COBL: variants seen among roughly 807,000 people sequenced by gnomAD.
COBL encodes the protein cordon-bleu WH2 repeat protein.
Under a neutral mutation model 98.8 loss-of-function variants are expected in COBL, and 51 were observed. That is an observed-to-expected ratio of 0.52 (90% confidence interval 0.41 to 0.65). The LOEUF (loss-of-function observed/expected upper bound fraction) is 0.65, where lower values mean the gene tolerates loss of function less well. Ranked by LOEUF, COBL falls within the 30% of genes least tolerant of loss-of-function variation. The pLI is 0.00. For missense variants in COBL, 1,617 were observed against 1,617.5 expected, an observed-to-expected ratio of 1.00 and a Z score of 0.01; for synonymous variants, 634 against 651.7, an observed-to-expected ratio of 0.97 and a Z score of 0.41.
chr7:51,302,582 A>G (rs979861108), intron 1 of COBL, among the ~76,000 whole-genome samples: 1 of 101,650 alleles, frequency 9.8e-6, no homozygotes, highest in African/African-American at 4.4e-5. Context: ...ACTCCGTCTC[A>G]AAAAAAAAAA....
intron 2 of COBL, among the ~76,000 whole-genome samples, chr7:51,206,983 T>C (rs1172055662): frequency 6.6e-6 from 1 of 152,198 alleles, no homozygotes; most frequent in East Asian, 1.9e-4. Flanking sequence ...CACTGTATAC[T>C]TGAAATGTGC....
At chr7:51,084,926 G>C (rs1347457403) in intron 7 of COBL, among the ~76,000 whole-genome samples, 1 of 152,048 alleles carries the variant, frequency 6.6e-6, no homozygotes, top group Non-Finnish European at 1.5e-5. Context: ...TCCTGCAGCC[G>C]TTTCTCCCCT....
intron 1 of COBL, among the ~76,000 whole-genome samples, chr7:51,293,697 A>G (rs751235397): frequency 2.0e-5 from 3 of 152,184 alleles, no homozygotes; most frequent in Non-Finnish European, 4.4e-5. Flanking sequence ...TCCCTCAGTA[A>G]AGTAGCTCCA....
At chr7:51,135,922 C>A (rs140869463) in intron 6 of COBL, among the ~76,000 whole-genome samples, 2 of 152,286 alleles carry the variant, frequency 1.3e-5, no homozygotes, top group East Asian at 1.9e-4. Flanking sequence ...GGGAGCAGGA[C>A]TGGGCTGCTG....
intron 1 of COBL, among the ~76,000 whole-genome samples, chr7:51,220,911 G>T (rs1395442844): frequency 6.6e-6 from 1 of 152,066 alleles, no homozygotes; most frequent in Non-Finnish European, 1.5e-5. Flanking sequence ...TTTATACATA[G>T]AATACATATA....
intron 5 of COBL, among the ~76,000 whole-genome samples, chr7:51,154,930 T>C (rs78795612): frequency 0.048 from 7,269 of 152,330 alleles, 262 homozygotes; most frequent in Middle Eastern, 0.11. Context: ...GCTATACTTC[T>C]GACCAAAGCA....
At chr7:51,055,800 A>G (rs1790692197) in intron 7 of COBL, among the ~76,000 whole-genome samples, 1 of 152,166 alleles carries the variant, frequency 6.6e-6, no homozygotes, top group African/African-American at 2.4e-5. Flanking sequence ...TTGTATCCCC[A>G]TGTAGCTTTC....
chr7:51,296,712 G>A (rs183513412), intron 1 of COBL, among the ~76,000 whole-genome samples: 1 of 152,276 alleles, frequency 6.6e-6, no homozygotes, highest in East Asian at 1.9e-4. Flanking sequence ...ATTACTCACA[G>A]GGAGGTGCTA....
chr7:51,021,496 C>T (rs916420439), intron 12 of COBL, among the ~76,000 whole-genome samples: 1 of 152,042 alleles, frequency 6.6e-6, no homozygotes, highest in Non-Finnish European at 1.5e-5. Context: ...ACACCTGGCT[C>T]ATTTCTGTAT....
At chr7:51,216,172 G>A (rs1365186341) in intron 2 of COBL, among the ~76,000 whole-genome samples, 9 of 152,146 alleles carry the variant, frequency 5.9e-5, no homozygotes, top group Admixed American at 5.9e-4. Context: ...TTTTGTAAAG[G>A]GCTCTTTGAA....
At chr7:51,245,879 A>G (rs1796236875) in intron 1 of COBL, among the ~76,000 whole-genome samples, 1 of 152,250 alleles carries the variant, frequency 6.6e-6, no homozygotes, top group South Asian at 2.1e-4. Flanking sequence ...TATGCAAAAC[A>G]AAGTTAGGTA....
chr7:51,264,567 A>T (rs993700856), intron 1 of COBL, among the ~76,000 whole-genome samples: 15 of 147,244 alleles, frequency 1.0e-4, no homozygotes, highest in African/African-American at 3.7e-4. Flanking sequence ...GCTACTCGGG[A>T]GGCTGAGGAA....
chr7:51,302,929 C>T (rs1802116804), intron 1 of COBL, among the ~76,000 whole-genome samples: 1 of 152,104 alleles, frequency 6.6e-6, no homozygotes, highest in South Asian at 2.1e-4. Context: ...GCTGTGGTGA[C>T]TCAGTTTTTG....
intron 1 of COBL, among the ~76,000 whole-genome samples, chr7:51,299,201 G>T (rs1264412474): frequency 1.3e-5 from 2 of 152,086 alleles, no homozygotes; most frequent in Non-Finnish European, 2.9e-5. Context: ...CACTCCTCCA[G>T]GGCTGGACAT....
chr7:51,199,351 G>A (rs1008266566), intron 2 of COBL, among the ~76,000 whole-genome samples: 3 of 152,144 alleles, frequency 2.0e-5, no homozygotes, highest in Admixed American at 1.3e-4. Flanking sequence ...AAACCAGTCT[G>A]TAAAGACTGG....
At chr7:51,168,048 A>G (rs895642357) in intron 5 of COBL, among the ~76,000 whole-genome samples, 2 of 152,204 alleles carry the variant, frequency 1.3e-5, no homozygotes, top group Non-Finnish European at 2.9e-5. Flanking sequence ...CAACCAAAGC[A>G]AATATGAACA....
At position 51,128,344 on chromosome 7, in the gene COBL, C is replaced by G. The variant is rs116484811; in HGVS notation, c.957+7814G>C. On this transcript the variant is annotated intron_variant, in intron 6 of 12. Coordinates refer to ENST00000265136, the MANE Select transcript of COBL (RefSeq NM_015198.5). ...TCATGGGGAGACATTTTATGCACAG[C>G]AAAGTAAGTGGGATATGTGTGCGTG... is the stretch of plus-strand genomic sequence containing the variant. 4.1e-3 allele frequency among the ~76,000 whole-genome samples: 619 copies of G among 152,068 alleles called. 2 individuals carry two copies. The highest frequency in any genetic ancestry group is 0.014 in the African/African-American group (563 of 41,458).
At chr7:51,298,262 A>C (rs1801603714) in intron 1 of COBL, among the ~76,000 whole-genome samples, 1 of 152,214 alleles carries the variant, frequency 6.6e-6, no homozygotes, top group African/African-American at 2.4e-5. Flanking sequence ...TTACAACCTA[A>C]AATTCTCATC....
intron 9 of COBL, among the ~76,000 whole-genome samples, chr7:51,030,078 A>G (rs1014695163): frequency 6.6e-6 from 1 of 152,224 alleles, no homozygotes; most frequent in African/African-American, 2.4e-5. Flanking sequence ...TGCAATGGTC[A>G]TGGGGTCAGA....
Sources: gnomAD v4.1 joint callset for allele counts (sites outside exome capture counted in the v4.1 genomes callset) on GRCh38, gnomAD v4.1.1 for gene constraint, MANE v1.5 for transcripts, NCBI Gene and HGNC (gene_info 2026-07-23, HGNC 2026-07-21) for gene names.